PKP4: variants seen among roughly 807,000 people sequenced by gnomAD.
PKP4 encodes the protein plakophilin-4.
PKP4 carries 90 observed loss-of-function variants against 145.1 expected under a neutral mutation model. The ratio of observed to expected loss-of-function variants is 0.62; its 90% CI spans 0.52 to 0.74. The LOEUF is 0.74. Among genes scored for constraint, PKP4 ranks in the 30% least tolerant of loss-of-function variants. PKP4 has a pLI of 0.00. For synonymous variants in PKP4, 563 were observed against 577.2 expected, an observed-to-expected ratio of 0.98 and a Z score of 0.35; for missense variants, 1,340 against 1,482.7, an observed-to-expected ratio of 0.90 and a Z score of 1.58.
chr2:158,499,088 G>T (rs1378424203), intron 1 of PKP4, among the ~76,000 whole-genome samples: 1 of 152,156 alleles, frequency 6.6e-6, no homozygotes, highest in African/African-American at 2.4e-5. Context: ...CGGTAGGGGT[G>T]CCTTCAGTGG....
intron 16 of PKP4, among the ~76,000 whole-genome samples, chr2:158,668,131 T>C (rs1428496799): frequency 6.6e-6 from 1 of 152,124 alleles, no homozygotes; most frequent in Non-Finnish European, 1.5e-5. Context: ...ATAACCCTTT[T>C]TAACTTCCAC....
In PKP4 at chr2:158,484,756, T is replaced by C. The variant is rs139284707; in HGVS notation, c.-6+27538T>C. Reference sequence around the variant, plus strand: ...AATGGGTTGTTAGCCATGAAACTATTCTTTTAAGATGTGGTAACACAGTGT... The same window carrying C: ...AATGGGTTGTTAGCCATGAAACTATCCTTTTAAGATGTGGTAACACAGTGT... On this transcript the variant is annotated intron_variant, in intron 1 of 21. Coordinates refer to ENST00000389759, the MANE Select transcript of PKP4 (RefSeq NM_003628.6). Among the ~76,000 whole-genome samples, 1,351 of 152,336 alleles carry C rather than the reference T, an allele frequency of 8.9e-3. 20 individuals carry two copies. The highest frequency in any genetic ancestry group is 0.03 in the African/African-American group (1,242 of 41,578).
Position 158,625,075 on chromosome 2 carries a change from TG to T in PKP4, c.802del (p.Ala268LeufsTer49). On this transcript the variant is annotated frameshift_variant, in exon 7 of 22. Coordinates refer to ENST00000389759, the MANE Select transcript of PKP4 (RefSeq NM_003628.6). LOFTEE classifies it high-confidence loss of function. Reference protein sequence around the residue: ...PSAYSSTTLPAARAASPYSQR... With the variant: ...PSAYSSTTLPXARAASPYSQR... ...GTGCATATTCCTCCACCACATTACC[TG>T]CTGCACGGGCAGCCTCTCCGTACTC... is the stretch of plus-strand genomic sequence containing the variant. 6.2e-7 allele frequency: 1 copy of T among 1,614,188 alleles called. No homozygotes were observed. Among genetic ancestry groups the T allele is most frequent in the Non-Finnish European group, 8.5e-7 (1 of 1,180,020 alleles).
chr2:158,490,476 T>G (rs1178981131), intron 1 of PKP4, among the ~76,000 whole-genome samples: 1 of 152,220 alleles, frequency 6.6e-6, no homozygotes, highest in Non-Finnish European at 1.5e-5. Context: ...TCAAAAAGCT[T>G]GTAACAAATT....
intron 1 of PKP4, among the ~76,000 whole-genome samples, chr2:158,506,728 T>G (rs1003048470): frequency 6.6e-6 from 1 of 152,242 alleles, no homozygotes. Flanking sequence ...AATTGGAATA[T>G]TCTAAAATCC....
chr2:158,663,654 G>T (rs1325520546), intron 15 of PKP4, among the ~76,000 whole-genome samples: 2 of 152,166 alleles, frequency 1.3e-5, no homozygotes, highest in East Asian at 3.9e-4. Flanking sequence ...CTCACTATGA[G>T]AAACAGAAGG....
chr2:158,519,771 T>TGAGTTG (rs1409546990), intron 1 of PKP4, among the ~76,000 whole-genome samples: 3 of 152,190 alleles, frequency 2.0e-5, no homozygotes. Flanking sequence ...CATGGAGTTG[T>TGAGTTG]GAGTTGGAGA....
At chr2:158,673,637 G>A (rs753302465) in intron 17 of PKP4, 40 bp from the exon 18 acceptor site, 4 of 1,439,232 alleles carry the variant, frequency 2.8e-6, no homozygotes, top group Admixed American at 3.3e-5. Flanking sequence ...GGCTGAGGCT[G>A]TGTCACCCAC....
At chr2:158,561,279 C>T (rs1456031905) in intron 2 of PKP4, among the ~76,000 whole-genome samples, 3 of 152,162 alleles carry the variant, frequency 2.0e-5, no homozygotes, top group African/African-American at 7.2e-5. Context: ...GTGTATCTGG[C>T]CTTTTCTAGA....
intron 2 of PKP4, among the ~76,000 whole-genome samples, chr2:158,563,608 G>A (rs2046723145): frequency 6.6e-6 from 1 of 151,986 alleles, no homozygotes; most frequent in Admixed American, 6.6e-5. Context: ...TGATTATTGG[G>A]TTGTTTCCAG....
At chr2:158,556,964 G>A (rs186830324) in intron 2 of PKP4, among the ~76,000 whole-genome samples, 54 of 152,166 alleles carry the variant, frequency 3.5e-4, no homozygotes, top group African/African-American at 1.2e-3. Context: ...TGAAGATCAT[G>A]GCATGGGGCT....
At chr2:158,592,327 A>G (rs1306573849) in intron 3 of PKP4, among the ~76,000 whole-genome samples, 3 of 152,020 alleles carry the variant, frequency 2.0e-5, no homozygotes, top group African/African-American at 7.2e-5. Context: ...GAAACATAGT[A>G]TATGCTATGT....
In PKP4 at chr2:158,638,707, C is replaced by A. The variant is rs1191862236; in HGVS notation, c.1563-1920C>A. Among the ~76,000 whole-genome samples, 3 of 151,934 alleles carry A rather than the reference C, an allele frequency of 2.0e-5. No homozygotes were observed. The East Asian group carries it at 5.8e-4, about 29-fold the overall frequency. On this transcript the variant is annotated intron_variant, in intron 9 of 21. Coordinates refer to ENST00000389759, the MANE Select transcript of PKP4 (RefSeq NM_003628.6). ...TAGGAAACTGTTAGACTCTTCTGGG[C>A]AAAATGGAGAAAATGAATGGATTTG...
chr2:158,498,980 C>A (rs537368709), intron 1 of PKP4, among the ~76,000 whole-genome samples: 3 of 152,110 alleles, frequency 2.0e-5, no homozygotes, highest in Non-Finnish European at 4.4e-5. Context: ...AGGATTAAGC[C>A]CACGGGGCTG....
chr2:158,501,583 A>C (rs1696571168), intron 1 of PKP4, among the ~76,000 whole-genome samples: 2 of 152,184 alleles, frequency 1.3e-5, no homozygotes, highest in African/African-American at 4.8e-5. Flanking sequence ...GCTCAACTGC[A>C]GTGAATGTGG....
chr2:158,481,414 G>C (rs1411815214), intron 1 of PKP4, among the ~76,000 whole-genome samples: 1 of 152,166 alleles, frequency 6.6e-6, no homozygotes, highest in African/African-American at 2.4e-5. Context: ...CCTAGGAGAG[G>C]AGTTGCTGGG....
intron 2 of PKP4, among the ~76,000 whole-genome samples, chr2:158,573,800 C>A (rs1013059211): frequency 6.6e-6 from 1 of 152,204 alleles, no homozygotes; most frequent in African/African-American, 2.4e-5. Context: ...ATCAGGCTGA[C>A]AAAGCCTTGG....
In PKP4 at chr2:158,621,005, G is replaced by A. The variant is rs879099136; in HGVS notation, c.296G>A (p.Gly99Asp). 6.2e-6 allele frequency: 10 copies of A among 1,613,910 alleles called. No individual in the cohort carries two copies. The highest frequency in any genetic ancestry group is 8.5e-6 in the Non-Finnish European group (10 of 1,179,934). Reference sequence around the variant, plus strand: ...CTTGTTACAGACGTGCCAAATACTGGTGTAAGCAAACCTAGAGTTTCTGAC... The same window carrying A: ...CTTGTTACAGACGTGCCAAATACTGATGTAAGCAAACCTAGAGTTTCTGAC... The part of the protein sequence containing the change: ...PWRSTDVPNT[G>D]VSKPRVSDAV... Residue 99 changes from glycine to aspartate, a missense_variant, in exon 5 of 22, where the codon GGT (glycine) becomes GAT (aspartate). By Grantham distance (94) the Gly-to-Asp change is moderately conservative. Coordinates refer to ENST00000389759, the MANE Select transcript of PKP4 (RefSeq NM_003628.6).
intron 20 of PKP4, chr2:158,677,183 C>T (rs2058083864): frequency 2.7e-6 from 1 of 370,668 alleles, no homozygotes; most frequent in South Asian, 2.1e-5. Context: ...CCTCCTGGCT[C>T]GAGCAGTCTC....
Sources: gnomAD v4.1 joint callset for allele counts (sites outside exome capture counted in the v4.1 genomes callset) on GRCh38, gnomAD v4.1.1 for gene constraint, MANE v1.5 for transcripts, NCBI Gene and HGNC (gene_info 2026-07-23, HGNC 2026-07-21) for gene names.